The following ACOX3 variants were observed in gnomAD, a reference collection of about 807,000 sequenced individuals.
The protein encoded by ACOX3 is peroxisomal acyl-coenzyme A oxidase 3.
A neutral mutation model predicts 81.5 loss-of-function variants in ACOX3; 73 were observed. The ratio of observed to expected loss-of-function variants is 0.90; its 90% CI spans 0.74 to 1.09. ACOX3 has a LOEUF of 1.09. Ranked by LOEUF, ACOX3 falls within the 50% of genes least tolerant of loss-of-function variation. The pLI, the probability that ACOX3 is intolerant of heterozygous loss-of-function variation, is 0.00. For missense variants in ACOX3, 947 were observed against 928.0 expected (o/e 1.02, Z -0.27); for synonymous variants, 387 against 375.1 (o/e 1.03, Z -0.37).
chr4:8,409,910 T>A (rs1721518635), intron 6 of ACOX3, among the ~76,000 whole-genome samples: 1 of 147,624 alleles, frequency 6.8e-6, no homozygotes, highest in Admixed American at 6.7e-5. Flanking sequence ...GAATACACTG[T>A]GGGCGGAGCT....
intron 14 of ACOX3, among the ~76,000 whole-genome samples, chr4:8,376,945 A>C (rs1717041153): frequency 6.6e-6 from 1 of 152,038 alleles, no homozygotes; most frequent in Non-Finnish European, 1.5e-5. Context: ...CTCTGGCAGG[A>C]GGCTGATAAT....
At chr4:8,396,777 G>A (rs539860421) in intron 9 of ACOX3, among the ~76,000 whole-genome samples, 160 bp downstream of exon 9, 36 of 151,948 alleles carry the variant, frequency 2.4e-4, no homozygotes, top group African/African-American at 8.5e-4. Context: ...TTTGCTGGAA[G>A]CCTTGCGGCC....
chr4:8,359,991 C>T, the ACOX3 span, among the ~76,000 whole-genome samples: 1 of 152,180 alleles, frequency 6.6e-6, no homozygotes, highest in Non-Finnish European at 1.5e-5. This position sits in a 1 kb window ranked among gnomAD's most constrained non-coding sequence, Gnocchi z 6.0. Flanking sequence ...CTTAGGACAC[C>T]TTTAAGCCTG....
chr4:8,397,469 G>A (rs1009343787), intron 8 of ACOX3, among the ~76,000 whole-genome samples: 2 of 152,196 alleles, frequency 1.3e-5, no homozygotes, highest in African/African-American at 2.4e-5. Context: ...TTTAACCTTG[G>A]CAAGAATCAG....
intron 15 of ACOX3, 119 bp downstream of exon 15, chr4:8,374,859 T>A: frequency 8.8e-7 from 1 of 1,131,312 alleles, no homozygotes; most frequent in Non-Finnish European, 1.2e-6. Context: ...CACAGCGCCA[T>A]CCGCCGTGCT....
In ACOX3 at chr4:8,416,412, A is replaced by G. The variant is rs1402357536; in HGVS notation, c.110T>C (p.Leu37Pro). Residue 37 changes from leucine to proline, a missense_variant, in exon 2 of 18, where the codon CTG becomes CCG. Transcript: ENST00000356406. This position sits in a 1 kb window ranked among gnomAD's most constrained non-coding sequence, Gnocchi z 4.2. ...RASFSWKELALFTEGEGMLRF... is the reference protein window; with the variant it reads ...RASFSWKELAPFTEGEGMLRF... ...GAGCATGCCCTCCCCTTCCGTGAAC[A>G]GCGCCAGCTCCTTCCAGCTGAAGGA... The G allele has an allele frequency of 6.2e-7, 1 of 1,614,200 alleles. No homozygotes were observed. Among genetic ancestry groups the G allele is most frequent in the Non-Finnish European group, 8.5e-7 (1 of 1,180,024 alleles).
chr4:8,380,662 G>C (rs935234686), intron 14 of ACOX3, among the ~76,000 whole-genome samples: 3 of 152,176 alleles, frequency 2.0e-5, no homozygotes, highest in African/African-American at 7.2e-5. Flanking sequence ...ATGTGGACCT[G>C]GGTCCCCATA....
chr4:8,405,844 C>A lies in ACOX3; in HGVS notation c.776+111G>T, dbSNP rs1720881922. 1 of 1,123,088 alleles carries A rather than the reference C, an allele frequency of 8.9e-7. No homozygotes were observed. The highest frequency in any genetic ancestry group is 1.7e-5 in the Admixed American group (1 of 58,162). The allele number at this position is 1,123,088 out of a possible 1,614,324, so 69.6% of individuals were successfully genotyped here. On this transcript the variant is annotated intron_variant, in intron 7 of 17. Coordinates refer to ENST00000356406, the MANE Select transcript of ACOX3 (RefSeq NM_003501.3). This position sits in a 1 kb window ranked among gnomAD's most constrained non-coding sequence, Gnocchi z 7.1. ...GCGTAGGTCCCCACCGCATTTGAGT[C>A]TAAGAGGGCAGGGCATGGCATCCAT...
intron 13 of ACOX3, among the ~76,000 whole-genome samples, chr4:8,387,886 G>A (rs1718502322): frequency 6.6e-6 from 1 of 152,228 alleles, no homozygotes; most frequent in South Asian, 2.1e-4. Context: ...CTGTGTGGGG[G>A]CGCAGGGCAG....
rs1353755493 is a variant in ACOX3 at position 8,373,601 on chromosome 4, C to T, written c.1856G>A (p.Gly619Glu). Residue 619 changes from glycine (G) to glutamate (E), a missense_variant, in exon 16 of 18, where the codon GGA (glycine) becomes GAA (glutamate). Gly to Glu is a moderately conservative substitution (Grantham distance 98). Transcript: ENST00000356406. ...CAGGACGGCGCTCTCCAACACTTCTCCCGCCTGCTCACCGGAGAAGTATCC... is the reference window on the plus strand; with the variant it reads ...CAGGACGGCGCTCTCCAACACTTCTTCCGCCTGCTCACCGGAGAAGTATCC... ...RGGYFSGEQA[G>E]EVLESAVLAL... The T allele has an allele frequency of 1.2e-6, 2 of 1,613,448 alleles. No homozygotes were observed. The highest frequency in any genetic ancestry group is 1.7e-6 in the Non-Finnish European group (2 of 1,179,712).
At position 8,399,575 on chromosome 4, in the gene ACOX3, G is replaced by A. The variant is rs138345511; in HGVS notation, c.854C>T (p.Thr285Ile). 383 of 1,614,062 alleles carry A rather than the reference G, an allele frequency of 2.4e-4. No individual in the cohort carries two copies. The highest frequency in any genetic ancestry group is 3.1e-4 in the Non-Finnish European group (369 of 1,179,920). The change falls in exon 8 of 18, where the codon ACC (threonine) becomes ATC (isoleucine). Residue 285 changes from threonine to isoleucine, a missense_variant. Physicochemically the swap from Thr to Ile is moderately conservative, Grantham distance 89 (BLOSUM62 -1). Transcript: ENST00000356406. This position sits in a 1 kb window ranked among gnomAD's most constrained non-coding sequence, Gnocchi z 4.9. ...NRMGDVTPEG[T>I]YVSPFKDVRQ... ...CTGTACCTTAAAGGGGCTGACATAG[G>A]TGCCCTCGGGGGTGACGTCTCCCAT...
chr4:8,355,963 G>A, the ACOX3 span: 3 of 163,282 alleles, frequency 1.8e-5, no homozygotes, highest in African/African-American at 4.8e-5. Flanking sequence ...CAATAAGAAG[G>A]AAATCTATAC....
chr4:8,388,489 T>C (rs1214603384), intron 13 of ACOX3, among the ~76,000 whole-genome samples: 1 of 152,268 alleles, frequency 6.6e-6, no homozygotes, highest in Non-Finnish European at 1.5e-5. Context: ...GAAGCTGCTT[T>C]GCTTTCGATG....
intron 14 of ACOX3, among the ~76,000 whole-genome samples, chr4:8,378,091 C>T (rs902075569): frequency 6.6e-6 from 1 of 152,172 alleles, no homozygotes; most frequent in Admixed American, 6.5e-5. Flanking sequence ...GTCAGCTGTC[C>T]GTAAACCTTC....
At chr4:8,397,253 A>G (rs1442943002) in intron 8 of ACOX3, 134 bp from the exon 9 acceptor site, 3 of 824,698 alleles carry the variant, frequency 3.6e-6, no homozygotes, top group Non-Finnish European at 5.3e-6. Context: ...CCCCATCCCC[A>G]GGGCGCCCAA....
At chr4:8,413,503 G>GCAACCCTCCATGCACCCCT in intron 5 of ACOX3, among the ~76,000 whole-genome samples, 1 of 81,470 alleles carries the variant, frequency 1.2e-5, no homozygotes, top group Non-Finnish European at 2.3e-5. Context: ...CCTCCACCCC[G>GCAACCCTCCATGCACCCCT]CAACCCTCCA....
In ACOX3 at chr4:8,384,088, G is replaced by A. The variant is rs908311638; in HGVS notation, c.1538-2481C>T. Among the ~76,000 whole-genome samples, 6 of 152,140 alleles carry A rather than the reference G, an allele frequency of 3.9e-5. No homozygotes were observed. Among genetic ancestry groups the A allele is most frequent in the African/African-American group, 1.2e-4 (5 of 41,414 alleles). On this transcript the variant is annotated intron_variant, in intron 13 of 17. Transcript: ENST00000356406. This position sits in a 1 kb window ranked among gnomAD's most constrained non-coding sequence, Gnocchi z 5.3. ...TGTCCCTCTGCGGTGGACACTTCAC[G>A]GCAGTTACCCGAGTTTTCCAATCTG...
intron 1 of ACOX3, among the ~76,000 whole-genome samples, chr4:8,422,847 A>G (rs1294283833): frequency 6.6e-6 from 1 of 152,222 alleles, no homozygotes; most frequent in East Asian, 1.9e-4. Context: ...TGTGGTCTAC[A>G]AGGACACTTT....
chr4:8,409,391 G>A lies in ACOX3; in HGVS notation c.687+821C>T, dbSNP rs141839729. ...GCAGGGCTGTCTGCACCGTGGGAGGGGCTGCGGGATACACTGTGGGTGGGG... is the reference window on the plus strand; with the variant it reads ...GCAGGGCTGTCTGCACCGTGGGAGGAGCTGCGGGATACACTGTGGGTGGGG... On this transcript the variant is annotated intron_variant, in intron 6 of 17. Coordinates refer to ENST00000356406, the MANE Select transcript of ACOX3 (RefSeq NM_003501.3). 2.8e-3 allele frequency among the ~76,000 whole-genome samples: 378 copies of A among 134,034 alleles called. 14 individuals are homozygous for A. The East Asian group carries it at 0.07, about 25-fold the overall frequency. The allele number at this position is 134,034 out of a possible 152,430, so 87.9% of individuals were successfully genotyped here.
Sources: allele counts gnomAD v4.1 joint callset (sites outside exome capture counted in the v4.1 genomes callset), GRCh38; gene constraint gnomAD v4.1.1; non-coding constraint Gnocchi (gnomAD v3.1); transcripts MANE v1.5; gene names NCBI Gene and HGNC (gene_info 2026-07-23, HGNC 2026-07-21).